The following LIPC variants were observed in gnomAD, a reference collection of about 807,000 sequenced individuals.
LIPC encodes the protein lipase C, hepatic type.
Under a neutral mutation model 50.7 loss-of-function variants are expected in LIPC, and 44 were observed. The ratio of observed to expected loss-of-function variants is 0.87; its 90% CI spans 0.68 to 1.11. LIPC has a LOEUF of 1.11. LIPC is among the 50% of genes most tolerant of loss of function. The pLI is 0.00. For missense variants in LIPC, 697 were observed against 648.2 expected (o/e 1.08, Z -0.82); for synonymous variants, 271 against 256.4 (o/e 1.06, Z -0.54).
intron 1 of LIPC, among the ~76,000 whole-genome samples, chr15:58,528,366 C>T (rs1892854109): frequency 1.3e-5 from 2 of 152,160 alleles, no homozygotes; most frequent in South Asian, 4.1e-4. Context: ...ATATCTGTCA[C>T]TCATAATAAT....
At chr15:58,444,799 C>T (rs1363910756) in intron 1 of LIPC, among the ~76,000 whole-genome samples, 5 of 152,196 alleles carry the variant, frequency 3.3e-5, no homozygotes, top group African/African-American at 9.7e-5. Flanking sequence ...TGAGGGAACA[C>T]AAAGTTCAGC....
Position 58,546,049 on chromosome 15 carries a change from C to T in LIPC, c.808+74C>T, listed in dbSNP as rs1366006168. 7 of 1,251,860 alleles carry T rather than the reference C, an allele frequency of 5.6e-6. No individual in the cohort carries two copies. The African/African-American group carries it at 8.9e-5, about 16-fold the overall frequency. The allele number at this position is 1,251,860 out of a possible 1,614,324, so 77.5% of individuals were successfully genotyped here. ...GCCTCTGGAATTCAGCGGAATCTAC[C>T]AACATACGGGACTCAGGGAAGAGTT... is the stretch of plus-strand genomic sequence containing the variant. On this transcript the variant is annotated intron_variant, in intron 5 of 8. Coordinates refer to ENST00000299022, the MANE Select transcript of LIPC (RefSeq NM_000236.3).
chr15:58,469,218 T>A (rs1894694798), intron 1 of LIPC, among the ~76,000 whole-genome samples: 1 of 151,294 alleles, frequency 6.6e-6, no homozygotes. Context: ...TACTCTAACA[T>A]TGAACTCCTG....
chr15:58,502,747 G>T (rs1264031743), intron 1 of LIPC, among the ~76,000 whole-genome samples: 1 of 152,060 alleles, frequency 6.6e-6, no homozygotes, highest in Admixed American at 6.5e-5. Context: ...ATGCTGAAGA[G>T]AATGTACAAA....
rs1317443342 is a variant in LIPC, at chr15:58,554,753, A to AAGG, written c.1052-6097_1052-6095dup. On this transcript the variant is annotated intron_variant, in intron 6 of 8. Transcript: ENST00000299022. ...ACAAAAGAGGAGGAGGAAGAAGAAG[A>AAGG]AGGAGGAGGAGGAGGAACTAGTTCT... Among the ~76,000 whole-genome samples the AAGG allele has an allele frequency of 2.6e-5, 4 of 152,216 alleles. No homozygotes were observed. In the East Asian group the frequency reaches 5.8e-4, roughly 22 times the overall value.
intron 1 of LIPC, among the ~76,000 whole-genome samples, chr15:58,475,766 A>T (rs185374790): frequency 5.9e-5 from 9 of 152,376 alleles, no homozygotes; most frequent in African/African-American, 1.7e-4. Context: ...AAGTCATGGC[A>T]ATTAGTCCCC....
intron 1 of LIPC, among the ~76,000 whole-genome samples, chr15:58,501,175 C>T (rs1285462790): frequency 1.3e-5 from 2 of 152,150 alleles, no homozygotes; most frequent in South Asian, 2.1e-4. Flanking sequence ...TACAACCGCA[C>T]GCCTCACAGG....
intron 5 of LIPC, among the ~76,000 whole-genome samples, chr15:58,546,883 C>T (rs969054675): frequency 1.3e-5 from 2 of 152,074 alleles, no homozygotes; most frequent in East Asian, 3.9e-4. Context: ...AGCCTTCCAC[C>T]GCCCAGGCCT....
chr15:58,450,635 C>T (rs1893867189), intron 1 of LIPC, among the ~76,000 whole-genome samples: 1 of 152,168 alleles, frequency 6.6e-6, no homozygotes, highest in Non-Finnish European at 1.5e-5. Flanking sequence ...TGAAATGTTA[C>T]ATGGGTCTGG....
At chr15:58,526,054 C>G (rs1161822091) in intron 1 of LIPC, among the ~76,000 whole-genome samples, 1 of 152,140 alleles carries the variant, frequency 6.6e-6, no homozygotes, top group African/African-American at 2.4e-5. Context: ...TGGATCCCAG[C>G]CTGGTTCCAA....
chr15:58,457,064 G>A (rs183945156), intron 1 of LIPC, among the ~76,000 whole-genome samples: 1 of 152,154 alleles, frequency 6.6e-6, no homozygotes, highest in Admixed American at 6.5e-5. Context: ...GGCCAAAACA[G>A]CACTGGGCGA....
At chr15:58,501,801 C>T (rs1181737730) in intron 1 of LIPC, among the ~76,000 whole-genome samples, 22 of 152,174 alleles carry the variant, frequency 1.4e-4, no homozygotes, top group African/African-American at 4.3e-4. Context: ...TCATCCAGCT[C>T]TGACACTGTG....
At chr15:58,513,534 C>T (rs1196107576) in intron 1 of LIPC, among the ~76,000 whole-genome samples, 2 of 152,146 alleles carry the variant, frequency 1.3e-5, no homozygotes, top group African/African-American at 4.8e-5. Flanking sequence ...CCAAGCCAGC[C>T]CCCTAAAAAC....
intron 7 of LIPC, among the ~76,000 whole-genome samples, chr15:58,562,437 T>C (rs1894197849): frequency 6.6e-6 from 1 of 152,168 alleles, no homozygotes; most frequent in Admixed American, 6.5e-5. Flanking sequence ...AGATTTCCAA[T>C]TTCAATCAGC....
At chr15:58,527,803 G>T (rs1247543342) in intron 1 of LIPC, among the ~76,000 whole-genome samples, 2 of 152,186 alleles carry the variant, frequency 1.3e-5, no homozygotes, top group Non-Finnish European at 2.9e-5. Context: ...ATGAATGAAT[G>T]AATGAATGAA....
At chr15:58,537,218 A>G (rs1456190942) in intron 1 of LIPC, among the ~76,000 whole-genome samples, 4 of 152,248 alleles carry the variant, frequency 2.6e-5, no homozygotes, top group South Asian at 2.1e-4. Flanking sequence ...GCCAGGCTCT[A>G]CCAGGCCTCT....
chr15:58,533,787 G>GT (rs1330149361), intron 1 of LIPC, among the ~76,000 whole-genome samples: 2 of 151,974 alleles, frequency 1.3e-5, no homozygotes, highest in Non-Finnish European at 2.9e-5. Context: ...TGTTATTTGT[G>GT]TTTTTTTCTA....
intron 1 of LIPC, among the ~76,000 whole-genome samples, chr15:58,478,341 C>T (rs1891069124): frequency 6.6e-6 from 1 of 152,150 alleles, no homozygotes; most frequent in African/African-American, 2.4e-5. Context: ...TGGGTTCAAG[C>T]TTTTCTCTGG....
chr15:58,523,571 A>G (rs1892716310), intron 1 of LIPC, among the ~76,000 whole-genome samples: 1 of 151,572 alleles, frequency 6.6e-6, no homozygotes, highest in Non-Finnish European at 1.5e-5. Context: ...CCAGAGAAAT[A>G]GTTATCATGG....
Sources: allele counts gnomAD v4.1 joint callset (sites outside exome capture counted in the v4.1 genomes callset), GRCh38; gene constraint gnomAD v4.1.1; transcripts MANE v1.5; gene names NCBI Gene and HGNC (gene_info 2026-07-23, HGNC 2026-07-21).